PRDM11: variants seen among roughly 807,000 people sequenced by gnomAD.
The protein encoded by PRDM11 is PR/SET domain 11, also known as PR domain-containing protein 11.
Under a neutral mutation model 97.8 loss-of-function variants are expected in PRDM11, and 20 were observed. That is an observed-to-expected ratio of 0.20 (90% CI 0.14 to 0.30). The LOEUF is 0.30. PRDM11 is among the 10% of genes least tolerant of loss of function. The pLI, the probability that PRDM11 is intolerant of heterozygous loss-of-function variation, is 1.00. For missense variants in PRDM11, 1,139 were observed against 1,555.2 expected (o/e 0.73, Z 4.50); for synonymous variants, 599 against 637.7 (o/e 0.94, Z 0.91).
At chr11:45,204,361 C>G (rs1853433269) in intron 4 of PRDM11, among the ~76,000 whole-genome samples, 1 of 152,196 alleles carries the variant, frequency 6.6e-6, no homozygotes, top group African/African-American at 2.4e-5. Flanking sequence ...CAGTGCGAGG[C>G]CAGTGGAAAA....
At chr11:45,209,187 G>A (rs929251624) in intron 5 of PRDM11, 13 of 451,144 alleles carry the variant, frequency 2.9e-5, no homozygotes, top group South Asian at 9.3e-5. Flanking sequence ...CCCCACCATC[G>A]TGCTCACGGC....
At chr11:45,156,205 C>T (rs1416077008) in intron 1 of PRDM11, among the ~76,000 whole-genome samples, 1 of 152,194 alleles carries the variant, frequency 6.6e-6, no homozygotes, top group African/African-American at 2.4e-5. Flanking sequence ...AAAGAAAGTA[C>T]AGCATATGAG....
At chr11:45,159,254 T>C (rs966595492) in intron 1 of PRDM11, among the ~76,000 whole-genome samples, 25 of 152,356 alleles carry the variant, frequency 1.6e-4, no homozygotes, top group African/African-American at 6.0e-4. Context: ...ACCCTCCGCC[T>C]GCTGCCTCCT....
intron 5 of PRDM11, chr11:45,208,940 T>G: frequency 2.2e-6 from 1 of 456,694 alleles, no homozygotes; most frequent in Non-Finnish European, 4.4e-6. Flanking sequence ...TGGACATTCT[T>G]GTCACAGAGG....
intron 5 of PRDM11, among the ~76,000 whole-genome samples, chr11:45,208,331 C>G (rs1853588942): frequency 6.6e-6 from 1 of 152,206 alleles, no homozygotes; most frequent in Non-Finnish European, 1.5e-5. Context: ...ATTGTCACTG[C>G]TACACCCAAC....
At chr11:45,194,601 T>TTTTA (rs1853042241) in intron 4 of PRDM11, among the ~76,000 whole-genome samples, 1 of 125,746 alleles carries the variant, frequency 8.0e-6, no homozygotes, top group Non-Finnish European at 1.8e-5. Context: ...TGTTTTTTTT[T>TTTTA]TTTTTTTTTT....
In PRDM11 at chr11:45,227,633, G is replaced by A; in HGVS notation, c.3008G>A (p.Ser1003Asn). ...CCCAGGAGCAGTGAGGAGCTGATGA[G>A]CTATGGCAAGGAGGATATGGTGCAA... ...AWPRSSEELM[S>N]YGKEDMVQIF... The change falls in exon 8 of 8, where the codon AGC becomes AAC. Residue 1003 changes from serine (S) to asparagine (N), a missense_variant. Physicochemically the swap from Ser to Asn is conservative, Grantham distance 46. Transcript: ENST00000683152. This position sits in a 1 kb window ranked among gnomAD's most constrained non-coding sequence, Gnocchi z 8.0. 6.5e-7 allele frequency: 1 copy of A among 1,533,950 alleles called. No homozygotes were observed. Among genetic ancestry groups the A allele is most frequent in the African/African-American group, 1.4e-5 (1 of 73,088 alleles).
At chr11:45,196,833 C>G (rs538261665) in intron 4 of PRDM11, among the ~76,000 whole-genome samples, 1 of 152,294 alleles carries the variant, frequency 6.6e-6, no homozygotes, top group South Asian at 2.1e-4. Flanking sequence ...TTCCTGGATT[C>G]CGATCCTGGC....
intron 1 of PRDM11, among the ~76,000 whole-genome samples, chr11:45,148,002 A>C (rs1851565214): frequency 6.6e-6 from 1 of 152,132 alleles, no homozygotes; most frequent in Admixed American, 6.5e-5. Context: ...GTAGCAACCA[A>C]GCTGGTCCTT....
chr11:45,208,693 T>A (rs1457419003), intron 5 of PRDM11, among the ~76,000 whole-genome samples: 1 of 152,046 alleles, frequency 6.6e-6, no homozygotes, highest in Admixed American at 6.5e-5. Context: ...CCGTCTCTTC[T>A]TTCCACCCTC....
At chr11:45,150,424 G>C (rs994466972) in intron 1 of PRDM11, among the ~76,000 whole-genome samples, 1 of 152,196 alleles carries the variant, frequency 6.6e-6, no homozygotes, top group Non-Finnish European at 1.5e-5. Flanking sequence ...TTGCACTTGA[G>C]AGTTGCTCAC....
chr11:45,107,307 C>T lies in PRDM11; in HGVS notation c.96+11406C>T, dbSNP rs143670989. 3.4e-3 allele frequency among the ~76,000 whole-genome samples: 514 copies of T among 152,318 alleles called. 5 individuals carry two copies. The highest frequency in any genetic ancestry group is 0.012 in the African/African-American group (491 of 41,564). ...GACCTGGGCTGATGACATCTTCGAA[C>T]TCCACTTTCTCACCTGCAAAACGGG... On this transcript the variant is annotated intron_variant, in intron 1 of 6. Coordinates refer to the PRDM11 transcript ENST00000530656.
rs371943807 is a variant in PRDM11 at position 45,096,713 on chromosome 11, T to C, written c.96+812T>C. Among the ~76,000 whole-genome samples the C allele has an allele frequency of 2.7e-3, 414 of 152,306 alleles. 2 individuals are homozygous for C. Among genetic ancestry groups the C allele is most frequent in the African/African-American group, 9.1e-3 (379 of 41,570 alleles). ...GCTTTGATTTTTAGTGTCTTTCTGA[T>C]TATTTCCTGAGGAGATTGTGCTAGA... On this transcript the variant is annotated intron_variant, in intron 1 of 6. Transcript: ENST00000530656.
chr11:45,214,146 T>G (rs936996161), intron 5 of PRDM11: 2 of 186,390 alleles, frequency 1.1e-5, no homozygotes, highest in African/African-American at 4.7e-5. Context: ...CATTCCAGGT[T>G]CCAGCATGCC....
intron 4 of PRDM11, among the ~76,000 whole-genome samples, chr11:45,202,773 G>A (rs373427666): frequency 2.0e-5 from 3 of 152,272 alleles, no homozygotes; most frequent in Middle Eastern, 3.4e-3. Flanking sequence ...AATATAACTC[G>A]TGTTAATTTT....
intron 4 of PRDM11, among the ~76,000 whole-genome samples, chr11:45,190,614 G>A (rs796271507): frequency 2.0e-4 from 30 of 151,504 alleles, no homozygotes; most frequent in African/African-American, 7.0e-4. Context: ...AAATACTTTC[G>A]GCTTTATGGA....
Position 45,177,584 on chromosome 11 carries a change from AGTCT to A in PRDM11, c.-6-4172_-6-4169del, listed in dbSNP as rs139352813. On this transcript the variant is annotated intron_variant, in intron 1 of 7. Coordinates refer to ENST00000683152, the MANE Select transcript of PRDM11 (RefSeq NM_001384648.1). ...CTATGGCCTTTATCACAAGCACAAA[AGTCT>A]GTCTATTTCAAAGTAGAGATGTCTA... Among the ~76,000 whole-genome samples the A allele has an allele frequency of 7.1e-3, 1,087 of 152,264 alleles. 15 individuals are homozygous for A. The highest frequency in any genetic ancestry group is 0.025 in the African/African-American group (1,041 of 41,556).
rs201791722 is a variant in PRDM11 at position 45,114,469 on chromosome 11, C to T, written c.96+18568C>T. ...TAAGATAATATTAGTTTCCTTAACA[C>T]ATGTCATTAAAGTCTTAGAAGGAGA... On this transcript the variant is annotated intron_variant, in intron 1 of 6. Transcript: ENST00000530656. Among the ~76,000 whole-genome samples the T allele has an allele frequency of 3.3e-5, 5 of 152,180 alleles. No individual in the cohort carries two copies. The East Asian group carries it at 9.6e-4, about 29-fold the overall frequency.
chr11:45,176,853 C>T (rs1852339532), intron 1 of PRDM11, among the ~76,000 whole-genome samples: 1 of 152,150 alleles, frequency 6.6e-6, no homozygotes, highest in Admixed American at 6.5e-5. Flanking sequence ...CTGTTAAGGA[C>T]TATGAGTTGG....
Sources: gnomAD v4.1 joint callset for allele counts (sites outside exome capture counted in the v4.1 genomes callset) on GRCh38, gnomAD v4.1.1 for gene constraint, Gnocchi (gnomAD v3.1) non-coding constraint, MANE v1.5 for transcripts, NCBI Gene and HGNC (gene_info 2026-07-23, HGNC 2026-07-21) for gene names.